Variants in ST18 observed in about 807,000 individuals in gnomAD.
ST18 encodes the protein ST18 C2H2C-type zinc finger transcription factor.
In ST18, 50 loss-of-function variants were observed where a neutral mutation model predicts 110.0. The ratio of observed to expected loss-of-function variants is 0.45; its 90% CI spans 0.36 to 0.58. The LOEUF is 0.58. Ranked by LOEUF, ST18 falls within the 20% of genes least tolerant of loss-of-function variation. ST18 has a pLI of 0.00. For synonymous variants in ST18, 461 were observed against 452.4 expected (o/e 1.02, Z -0.24); for missense variants, 1,306 against 1,280.1 (o/e 1.02, Z -0.31).
At chr8:52,192,482 A>G (rs1021610176) in intron 8 of ST18, among the ~76,000 whole-genome samples, 1 of 152,198 alleles carries the variant, frequency 6.6e-6, no homozygotes, top group Admixed American at 6.5e-5. Context: ...AGATTCACTG[A>G]TACTATCACA....
intron 2 of ST18, among the ~76,000 whole-genome samples, chr8:52,252,942 T>C (rs1347023949): frequency 6.6e-6 from 1 of 151,974 alleles, no homozygotes; most frequent in Non-Finnish European, 1.5e-5. Context: ...TTACTTTGGA[T>C]TCTGAATTTG....
chr8:52,146,435 A>AT lies in ST18; in HGVS notation c.2052+3296dup, dbSNP rs201878822. 4.0e-3 allele frequency among the ~76,000 whole-genome samples: 597 copies of AT among 150,406 alleles called. 3 individuals are homozygous for AT. The highest frequency in any genetic ancestry group is 0.018 in the East Asian group (94 of 5,128). On this transcript the variant is annotated intron_variant, in intron 16 of 25. Coordinates refer to ENST00000689386, the MANE Select transcript of ST18 (RefSeq NM_001352837.2). ...CCTAAGCAGTCTCCAGTTTTTGGTG[A>AT]TTTTTTTTTCTTTTCCTTTTCCTCA...
Position 52,161,647 on chromosome 8 carries a change from G to C in ST18, c.1401-79C>G, listed in dbSNP as rs2061486094. The C allele has an allele frequency of 5.4e-6, 8 of 1,481,902 alleles. 1 individual carries two copies. In the East Asian group the frequency reaches 1.6e-4, roughly 29 times the overall value. 91.8% of individuals were successfully genotyped at this position (1,481,902 alleles called of 1,614,324 possible). ...CACATTAGTGTCAGAATTTACAGTAGATACATGTGTCACTCCTGAAGGTAT... is the reference window on the plus strand; with the variant it reads ...CACATTAGTGTCAGAATTTACAGTACATACATGTGTCACTCCTGAAGGTAT... On this transcript the variant is annotated intron_variant, in intron 13 of 25. Coordinates refer to ENST00000689386, the MANE Select transcript of ST18 (RefSeq NM_001352837.2).
rs1372041972 is a variant in ST18 at position 52,220,798 on chromosome 8, G to A, written c.-214C>T. On this transcript the variant is annotated 5_prime_UTR_variant, in exon 5 of 26. Transcript: ENST00000689386. ...CTCAGTTTGCCCTGCTGTGTCAGGG[G>A]GACTAAATAAATGACTTTGTCTTAT... 1 of 151,948 alleles carries A rather than the reference G, an allele frequency of 6.6e-6. No individual in the cohort carries two copies. The highest frequency in any genetic ancestry group is 2.4e-5 in the African/African-American group (1 of 41,346). The allele number at this position is 151,948 out of a possible 1,614,324, so 9.4% of individuals were successfully genotyped here.
intron 2 of ST18, among the ~76,000 whole-genome samples, chr8:52,264,798 TAA>T (rs2094814766): frequency 6.6e-6 from 1 of 152,190 alleles, no homozygotes; most frequent in Non-Finnish European, 1.5e-5. Context: ...CTCAAAGAGT[TAA>T]GAGACAGCTT....
chr8:52,240,868 A>G (rs1171853636), intron 2 of ST18, among the ~76,000 whole-genome samples: 1 of 152,160 alleles, frequency 6.6e-6, no homozygotes, highest in East Asian at 1.9e-4. Flanking sequence ...TTCTCCTTGG[A>G]AACCACACCC....
chr8:52,203,816 G>A (rs544546990), intron 8 of ST18, among the ~76,000 whole-genome samples: 123 of 152,086 alleles, frequency 8.1e-4, no homozygotes, highest in Non-Finnish European at 1.5e-3. Flanking sequence ...CCAACGACCC[G>A]TGCAGTGCTT....
intron 13 of ST18, among the ~76,000 whole-genome samples, chr8:52,163,699 T>G (rs1384725602): frequency 6.6e-6 from 1 of 152,218 alleles, no homozygotes; most frequent in African/African-American, 2.4e-5. Flanking sequence ...CAATTCTGAT[T>G]AATGTAGGCT....
chr8:52,280,164 AT>A (rs1395432610), intron 2 of ST18, among the ~76,000 whole-genome samples: 3 of 152,138 alleles, frequency 2.0e-5, no homozygotes, highest in Non-Finnish European at 2.9e-5. Context: ...CGCTAAAAAA[AT>A]GAAGTATTGA....
intron 2 of ST18, among the ~76,000 whole-genome samples, chr8:52,241,550 G>A (rs548661346): frequency 1.3e-5 from 2 of 152,334 alleles, no homozygotes; most frequent in African/African-American, 4.8e-5. Flanking sequence ...TGGCAGCTTT[G>A]CCTACATATC....
At chr8:52,333,491 A>T (rs1325545253) in intron 2 of ST18, among the ~76,000 whole-genome samples, 1 of 152,192 alleles carries the variant, frequency 6.6e-6, no homozygotes, top group Admixed American at 6.5e-5. Flanking sequence ...ACAGAAAAAA[A>T]TGTTGTGAAG....
chr8:52,158,904 A>G lies in ST18; in HGVS notation c.1800T>C (p.His600=). 1 of 1,614,008 alleles carries G rather than the reference A, an allele frequency of 6.2e-7. No individual in the cohort carries two copies. The highest frequency in any genetic ancestry group is 8.5e-7 in the Non-Finnish European group (1 of 1,179,888). Residue 600 remains histidine (H), a synonymous_variant, in exon 15 of 26, where the codon CAT becomes CAC. Coordinates refer to ENST00000689386, the MANE Select transcript of ST18 (RefSeq NM_001352837.2). The part of the protein sequence containing the change: ...DILSNKPQSL[H]AKGAEIEVDE... Reference sequence around the variant, plus strand: ...GGCTCTTGGACTGGCCTACCTTGGCATGCAGACTCTGTGGCTTGTTGGAGA... The same window carrying G: ...GGCTCTTGGACTGGCCTACCTTGGCGTGCAGACTCTGTGGCTTGTTGGAGA...
At chr8:52,381,399 C>G (rs1283139351) in intron 2 of ST18, among the ~76,000 whole-genome samples, 1 of 152,194 alleles carries the variant, frequency 6.6e-6, no homozygotes, top group Non-Finnish European at 1.5e-5. Flanking sequence ...TTCTGTGTAG[C>G]TTTGCCTCCC....
intron 2 of ST18, among the ~76,000 whole-genome samples, chr8:52,400,395 A>C (rs906508234): frequency 1.3e-5 from 2 of 152,010 alleles, no homozygotes; most frequent in Non-Finnish European, 2.9e-5. Flanking sequence ...AGTTTAATCC[A>C]TTTACATTCA....
intron 15 of ST18, among the ~76,000 whole-genome samples, chr8:52,157,076 G>A (rs766595820): frequency 6.6e-6 from 1 of 152,174 alleles, no homozygotes; most frequent in Admixed American, 6.5e-5. Flanking sequence ...GAGTGCTCCC[G>A]CCAGGAGCCC....
intron 2 of ST18, among the ~76,000 whole-genome samples, chr8:52,302,288 C>A (rs1244399672): frequency 1.3e-5 from 2 of 152,166 alleles, no homozygotes; most frequent in African/African-American, 4.8e-5. Context: ...TTAAACTAAA[C>A]CTTCAGGTGC....
chr8:52,132,820 G>C (rs2050240267), intron 21 of ST18, among the ~76,000 whole-genome samples: 1 of 152,114 alleles, frequency 6.6e-6, no homozygotes, highest in African/African-American at 2.4e-5. Context: ...AAACAATTGA[G>C]AAATGTATGA....
At chr8:52,291,092 T>C (rs1256282670) in intron 2 of ST18, among the ~76,000 whole-genome samples, 1 of 152,230 alleles carries the variant, frequency 6.6e-6, no homozygotes, top group Non-Finnish European at 1.5e-5. Flanking sequence ...CATCACTGCC[T>C]GATACTTTCT....
intron 2 of ST18, among the ~76,000 whole-genome samples, chr8:52,366,385 A>G (rs970635902): frequency 9.2e-5 from 14 of 152,140 alleles, no homozygotes; most frequent in Non-Finnish European, 1.5e-4. Context: ...AACAACACCT[A>G]CAGGCTTCCC....
Sources: gnomAD v4.1 joint callset for allele counts (sites outside exome capture counted in the v4.1 genomes callset) on GRCh38, gnomAD v4.1.1 for gene constraint, MANE v1.5 for transcripts, NCBI Gene and HGNC (gene_info 2026-07-23, HGNC 2026-07-21) for gene names.